The following RIMS1 variants were observed in gnomAD, a reference collection of about 807,000 sequenced individuals.
The protein encoded by RIMS1 is regulating synaptic membrane exocytosis 1.
In RIMS1, 83 loss-of-function variants were observed where a neutral mutation model predicts 214.1. The ratio of observed to expected loss-of-function variants is 0.39; its 90% CI spans 0.32 to 0.47. The LOEUF is 0.47. Among genes scored for constraint, RIMS1 ranks in the 20% least tolerant of loss-of-function variants. RIMS1 has a pLI of 0.99. For missense variants in RIMS1, 2,050 were observed against 2,161.8 expected (o/e 0.95, Z 1.03); for synonymous variants, 793 against 786.8 (o/e 1.01, Z -0.13).
Position 71,992,400 on chromosome 6 carries a change from CTCTCTCTTTCTTTCTTTCTTTCTT to C in RIMS1, c.245+23341_245+23364del, listed in dbSNP as rs1356922923. On this transcript the variant is annotated intron_variant, in intron 2 of 33. Coordinates refer to ENST00000521978, the MANE Select transcript of RIMS1 (RefSeq NM_014989.7). ...TCTTTGCTTGCTTCTTTCTTTCTCT[CTCTCTCTTTCTTTCTTTCTTTCTT>C]TCTTTCTTTCTTTCTTTCTTTCTTT... 3.9e-3 allele frequency among the ~76,000 whole-genome samples: 342 copies of C among 87,898 alleles called. 2 individuals carry two copies. Among genetic ancestry groups the C allele is most frequent in the Non-Finnish European group, 5.5e-3 (229 of 41,640 alleles). 57.7% of individuals were successfully genotyped at this position (87,898 alleles called of 152,430 possible).
intron 1 of RIMS1, among the ~76,000 whole-genome samples, chr6:71,967,788 T>C (rs1267672453): frequency 6.6e-6 from 1 of 152,238 alleles, no homozygotes; most frequent in Non-Finnish European, 1.5e-5. Flanking sequence ...ATGTAACATA[T>C]TGATTTCGGC....
chr6:71,923,340 T>C (rs1780582107), intron 1 of RIMS1, among the ~76,000 whole-genome samples: 1 of 152,184 alleles, frequency 6.6e-6, no homozygotes, highest in South Asian at 2.1e-4. Context: ...GAATTCTCAT[T>C]TAGAATTCTG....
chr6:72,008,027 T>C (rs1477949645), intron 2 of RIMS1, among the ~76,000 whole-genome samples: 3 of 152,086 alleles, frequency 2.0e-5, no homozygotes, highest in African/African-American at 7.2e-5. Context: ...ATTGTCAGAT[T>C]CACCAAAGTT....
intron 4 of RIMS1, among the ~76,000 whole-genome samples, chr6:72,108,247 G>A (rs2035189776): frequency 7.6e-6 from 1 of 131,784 alleles, no homozygotes; most frequent in Admixed American, 8.0e-5. Flanking sequence ...ACCATGCTTG[G>A]ATAATTTTGT....
At chr6:72,280,498 C>T (rs1160676352) in intron 23 of RIMS1, among the ~76,000 whole-genome samples, 1 of 151,986 alleles carries the variant, frequency 6.6e-6, no homozygotes, top group East Asian at 1.9e-4. Flanking sequence ...TTATTCTCTG[C>T]TCCTTTACAG....
intron 6 of RIMS1, among the ~76,000 whole-genome samples, chr6:72,200,857 T>TTGTG (rs70994114): frequency 0.13 from 19,462 of 146,050 alleles, 1,531 homozygotes; most frequent in Non-Finnish European, 0.17. Context: ...AAGGACACAA[T>TTGTG]TGTGTGTGTG....
intron 31 of RIMS1, among the ~76,000 whole-genome samples, chr6:72,394,228 T>G (rs987128351): frequency 6.6e-6 from 1 of 152,076 alleles, no homozygotes; most frequent in Non-Finnish European, 1.5e-5. Context: ...ATGGAAGAGA[T>G]AAACAACCAG....
intron 2 of RIMS1, among the ~76,000 whole-genome samples, chr6:72,076,388 G>A (rs1831876339): frequency 6.6e-6 from 1 of 152,084 alleles, no homozygotes; most frequent in Admixed American, 6.5e-5. Flanking sequence ...TTCTCACTGT[G>A]CTCTCACATG....
chr6:71,923,457 C>T (rs118066916), intron 1 of RIMS1, among the ~76,000 whole-genome samples: 1,570 of 152,308 alleles, frequency 0.01, 17 homozygotes, highest in Middle Eastern at 0.034. Context: ...TGGAAAGGGG[C>T]ATGCGTCACT....
intron 4 of RIMS1, among the ~76,000 whole-genome samples, chr6:72,126,891 G>A (rs1587680301): frequency 6.6e-6 from 1 of 151,724 alleles, no homozygotes; most frequent in East Asian, 1.9e-4. Context: ...ACAACTAAAA[G>A]TTGAAGTGCC....
intron 29 of RIMS1, among the ~76,000 whole-genome samples, chr6:72,351,651 G>A (rs1248381392): frequency 1.3e-5 from 2 of 152,138 alleles, no homozygotes; most frequent in Admixed American, 1.3e-4. Flanking sequence ...TAGAATTTTA[G>A]TCTGTGCCTA....
intron 1 of RIMS1, among the ~76,000 whole-genome samples, chr6:71,968,197 A>G (rs1794952493): frequency 6.6e-6 from 1 of 152,202 alleles, no homozygotes; most frequent in Non-Finnish European, 1.5e-5. Flanking sequence ...ATCCATGTTC[A>G]TCCTCAGATG....
intron 28 of RIMS1, among the ~76,000 whole-genome samples, chr6:72,329,978 T>C (rs1467497467): frequency 6.6e-6 from 1 of 151,698 alleles, no homozygotes; most frequent in Non-Finnish European, 1.5e-5. Flanking sequence ...CTGCAGCATA[T>C]AGATACTACA....
chr6:72,158,207 C>T lies in RIMS1; in HGVS notation c.472-21368C>T, dbSNP rs949702414. On this transcript the variant is annotated intron_variant, in intron 4 of 33. Coordinates refer to ENST00000521978, the MANE Select transcript of RIMS1 (RefSeq NM_014989.7). Reference sequence around the variant, plus strand: ...CCTGTGATGCTTCTGGTAACACATTCACTTTTTGTTTGAATCAAAATGCCT... The same window carrying T: ...CCTGTGATGCTTCTGGTAACACATTTACTTTTTGTTTGAATCAAAATGCCT... Among the ~76,000 whole-genome samples, 11 of 140,832 alleles carry T rather than the reference C, an allele frequency of 7.8e-5. 1 individual carries two copies. Among genetic ancestry groups the T allele is most frequent in the Non-Finnish European group, 1.3e-4 (8 of 61,976 alleles). 92.4% of individuals were successfully genotyped at this position (140,832 alleles called of 152,430 possible). A position where few individuals can be genotyped will look rare whatever the true frequency, so the allele number is the denominator to read the frequency against.
chr6:72,011,548 C>T (rs1810606677), intron 2 of RIMS1, among the ~76,000 whole-genome samples: 1 of 152,064 alleles, frequency 6.6e-6, no homozygotes, highest in Non-Finnish European at 1.5e-5. Context: ...AGGCAACCTA[C>T]AAAATCGGAG....
chr6:72,096,827 T>A (rs1015926351), intron 2 of RIMS1, 122 bp from the exon 3 acceptor site: 2 of 774,900 alleles, frequency 2.6e-6, no homozygotes, highest in Admixed American at 2.3e-5. Flanking sequence ...TAGTTTTGTA[T>A]GTTTTGCTTT....
chr6:72,386,698 T>G (rs969848798), intron 29 of RIMS1, among the ~76,000 whole-genome samples: 1 of 151,384 alleles, frequency 6.6e-6, no homozygotes, highest in Non-Finnish European at 1.5e-5. Flanking sequence ...TTTTTCCCTA[T>G]CAGCGATATT....
chr6:72,243,034 A>G (rs1414329566), intron 10 of RIMS1, among the ~76,000 whole-genome samples: 1 of 151,800 alleles, frequency 6.6e-6, no homozygotes, highest in African/African-American at 2.4e-5. Flanking sequence ...CTATGTATGT[A>G]TATAGATTTC....
At chr6:72,233,530 A>G (rs1230260166) in intron 6 of RIMS1, among the ~76,000 whole-genome samples, 3 of 149,298 alleles carry the variant, frequency 2.0e-5, no homozygotes, top group Admixed American at 6.7e-5. Flanking sequence ...GTACATTTAT[A>G]TGTTTCCAGA....
Sources: allele counts gnomAD v4.1 joint callset (sites outside exome capture counted in the v4.1 genomes callset), GRCh38; gene constraint gnomAD v4.1.1; transcripts MANE v1.5; gene names NCBI Gene and HGNC (gene_info 2026-07-23, HGNC 2026-07-21).